Variants in UGT1A9 observed in about 807,000 individuals in gnomAD.
The protein encoded by UGT1A9 is UDP glucuronosyltransferase family 1 member A9.
In UGT1A9, 35 loss-of-function variants were observed where a neutral mutation model predicts 45.0. The observed-to-expected ratio is 0.78, with a 90% CI of 0.59 to 1.03. The LOEUF (loss-of-function observed/expected upper bound fraction) is 1.03, where lower values mean the gene tolerates loss of function less well. Ranked by LOEUF, UGT1A9 falls within the 50% of genes least tolerant of loss-of-function variation. The pLI, the probability that UGT1A9 is intolerant of heterozygous loss-of-function variation, is 0.00. For synonymous variants in UGT1A9, 278 were observed against 250.6 expected (o/e 1.11, Z -1.03); for missense variants, 687 against 666.6 (o/e 1.03, Z -0.34).
intron 1 of UGT1A9, chr2:233,713,022 C>T (rs759060249): frequency 2.5e-6 from 4 of 1,613,644 alleles, no homozygotes; most frequent in East Asian, 2.2e-5. Context: ...TCCCCTGCCG[C>T]AGCTGGCCAC....
chr2:233,718,782 C>A (rs199517966), intron 1 of UGT1A9: 2 of 1,612,936 alleles, frequency 1.2e-6, no homozygotes, highest in East Asian at 2.2e-5. Flanking sequence ...GCAGGCACAG[C>A]GTGGGGTGGA....
At chr2:233,738,832 A>G (rs6431628) in intron 1 of UGT1A9, 84,103 of 152,154 alleles carry the variant, frequency 0.55, 25,404 homozygotes, top group African/African-American at 0.81. Context: ...ATAAGGAGGA[A>G]CCAAATGTTA....
intron 1 of UGT1A9, among the ~76,000 whole-genome samples, chr2:233,737,637 G>T (rs1475956364): frequency 6.6e-6 from 1 of 152,182 alleles, no homozygotes; most frequent in Non-Finnish European, 1.5e-5. Context: ...CATCTTCTGC[G>T]TCGATCATGC....
At chr2:233,721,907 C>A in intron 1 of UGT1A9, 1 of 444,142 alleles carries the variant, frequency 2.3e-6, no homozygotes, top group South Asian at 1.7e-5. Context: ...AAATGGTGCA[C>A]ACTGCTTCCA....
intron 1 of UGT1A9, chr2:233,719,341 G>A (rs188312736): frequency 1.2e-6 from 2 of 1,613,900 alleles, no homozygotes; most frequent in Non-Finnish European, 1.7e-6. Context: ...TTTTTTTGGA[G>A]GTACATTCCA....
intron 1 of UGT1A9, chr2:233,743,413 C>T: frequency 7.6e-7 from 1 of 1,324,104 alleles, no homozygotes; most frequent in South Asian, 1.2e-5. Context: ...GCCCCCACTT[C>T]CCAGGGAGCC....
chr2:233,729,175 C>T (rs2077809820), intron 1 of UGT1A9: 1 of 1,613,710 alleles, frequency 6.2e-7, no homozygotes, highest in African/African-American at 1.3e-5. Context: ...CACAGGACTG[C>T]TGCTTCTCCT....
intron 1 of UGT1A9, chr2:233,682,452 T>C (rs1214292912): frequency 1.2e-6 from 2 of 1,613,934 alleles, no homozygotes; most frequent in Non-Finnish European, 1.7e-6. Context: ...GCCAGGGGAA[T>C]ATTTTGCCAC....
chr2:233,693,323 G>A, intron 1 of UGT1A9: 2 of 1,614,140 alleles, frequency 1.2e-6, no homozygotes, highest in Non-Finnish European at 8.5e-7. Context: ...ATTCCTAACT[G>A]CTCCTCAGAC....
In UGT1A9 at chr2:233,769,856, TCA is replaced by T; in HGVS notation, c.1295+1418_1295+1419del. 4.3e-5 allele frequency: 14 copies of T among 322,422 alleles called. No individual in the cohort carries two copies. Among genetic ancestry groups the T allele is most frequent in the Admixed American group, 5.6e-5 (1 of 17,838 alleles). The allele number at this position is 322,422 out of a possible 1,614,324, so 20.0% of individuals were successfully genotyped here. A position where few individuals can be genotyped will look rare whatever the true frequency, so the allele number is the denominator to read the frequency against. ...CTGGGCAACAGAGTGAGACCCTGTC[TCA>T]AAAAAAAAAAAAAAAATGAAAAGTC... On this transcript the variant is annotated intron_variant, in intron 4 of 4. Transcript: ENST00000354728. The surrounding 1 kb of genome is among the most constrained non-coding windows in gnomAD (Gnocchi z 4.4).
rs942942748 is a variant in UGT1A9, at chr2:233,747,245, G to A, written c.856-19789G>A. 1.9e-6 allele frequency: 3 copies of A among 1,602,546 alleles called. No individual in the cohort carries two copies. In the African/African-American group the frequency reaches 4.0e-5, roughly 22 times the overall value. On this transcript the variant is annotated intron_variant, in intron 1 of 4. Transcript: ENST00000354728. ...ACAGGACCCCAGGTTCCCCTGCTGT[G>A]GCTGGCCACAGGAGTGCTACTCCTT... is the stretch of plus-strand genomic sequence containing the variant.
intron 1 of UGT1A9, among the ~76,000 whole-genome samples, chr2:233,697,345 G>A (rs1268533555): frequency 1.3e-5 from 2 of 151,914 alleles, no homozygotes; most frequent in Non-Finnish European, 2.9e-5. Context: ...TTTCCTCTAG[G>A]TTTTCTAATT....
chr2:233,727,414 G>A (rs1241262548), intron 1 of UGT1A9, among the ~76,000 whole-genome samples: 1 of 152,064 alleles, frequency 6.6e-6, no homozygotes, highest in East Asian at 1.9e-4. Context: ...GCCTCCTCAG[G>A]GTCTGGGAGT....
At chr2:233,711,910 G>A (rs1432340801) in intron 1 of UGT1A9, among the ~76,000 whole-genome samples, 1 of 152,198 alleles carries the variant, frequency 6.6e-6, no homozygotes, top group East Asian at 1.9e-4. Context: ...AGACCATTGT[G>A]AGTGCTCAGG....
At chr2:233,757,197 C>T (rs941417782) in intron 1 of UGT1A9, among the ~76,000 whole-genome samples, 2 of 149,716 alleles carry the variant, frequency 1.3e-5, no homozygotes, top group Non-Finnish European at 3.0e-5. Flanking sequence ...TCTGAATTTT[C>T]TGTGCCCAGG....
At chr2:233,675,874 A>G (rs1050694557) in intron 1 of UGT1A9, among the ~76,000 whole-genome samples, 2 of 152,228 alleles carry the variant, frequency 1.3e-5, no homozygotes. Flanking sequence ...TTTGTTACAT[A>G]GCCACAATAT....
chr2:233,689,898 G>A (rs989721018), intron 1 of UGT1A9: 8 of 456,472 alleles, frequency 1.8e-5, no homozygotes, highest in African/African-American at 1.6e-4. Context: ...TTATTTCTCA[G>A]GGCCAGGTAG....
chr2:233,743,355 G>T, intron 1 of UGT1A9: 1 of 979,806 alleles, frequency 1.0e-6, no homozygotes, highest in South Asian at 1.3e-5. Context: ...ACATGGACTT[G>T]AAGCTGCCTG....
chr2:233,724,273 T>C (rs1575551311), intron 1 of UGT1A9, among the ~76,000 whole-genome samples: 1 of 120,344 alleles, frequency 8.3e-6, no homozygotes, highest in African/African-American at 3.2e-5. Context: ...ACGGGGCGGC[T>C]GGCCGGGCGG....
Sources: allele counts gnomAD v4.1 joint callset (sites outside exome capture counted in the v4.1 genomes callset), GRCh38; gene constraint gnomAD v4.1.1; non-coding constraint Gnocchi (gnomAD v3.1); transcripts MANE v1.5; gene names NCBI Gene and HGNC (gene_info 2026-07-23, HGNC 2026-07-21).